Variants in UGT1A9 observed in about 807,000 individuals in gnomAD.
UGT1A9 encodes UDP-glucuronosyltransferase 1A9.
A neutral mutation model predicts 45.0 loss-of-function variants in UGT1A9; 35 were observed. That is an observed-to-expected ratio of 0.78 (90% CI 0.59 to 1.03). UGT1A9 has a LOEUF of 1.03. Ranked by LOEUF, UGT1A9 falls within the 50% of genes least tolerant of loss-of-function variation. The probability of loss-of-function intolerance (pLI) is 0.00; values close to 1 mark genes in which losing one functional copy is unlikely to be tolerated. For synonymous variants in UGT1A9, 278 were observed against 250.6 expected (o/e 1.11, Z -1.03); for missense variants, 687 against 666.6 (o/e 1.03, Z -0.34).
At chr2:233,721,019 A>AAT (rs1377693832) in intron 1 of UGT1A9, among the ~76,000 whole-genome samples, 6 of 152,098 alleles carry the variant, frequency 3.9e-5, no homozygotes, top group Non-Finnish European at 8.8e-5. Context: ...TGAGGGAGCC[A>AAT]TCTTTCTTGT....
chr2:233,695,621 C>A (rs1180355344), intron 1 of UGT1A9, among the ~76,000 whole-genome samples: 1 of 152,022 alleles, frequency 6.6e-6, no homozygotes, highest in African/African-American at 2.4e-5. Context: ...GAACTCTCTA[C>A]CTCCATGAGA....
At chr2:233,764,328 G>A (rs35377848) in intron 1 of UGT1A9, among the ~76,000 whole-genome samples, 4 of 152,284 alleles carry the variant, frequency 2.6e-5, no homozygotes, top group East Asian at 3.9e-4. Flanking sequence ...TTGCCAAGTA[G>A]GGGATGGACT....
At chr2:233,740,771 A>G (rs1027399973) in intron 1 of UGT1A9, 1 of 151,854 alleles carries the variant, frequency 6.6e-6, no homozygotes, top group African/African-American at 2.4e-5. Context: ...AAACCGTTGT[A>G]TAAAAGATGA....
intron 1 of UGT1A9, chr2:233,719,434 T>A: frequency 1.9e-6 from 3 of 1,613,970 alleles, no homozygotes; most frequent in Non-Finnish European, 2.5e-6. Flanking sequence ...TCAGACCACA[T>A]GACATTCCTG....
At chr2:233,736,528 A>T (rs895463431) in intron 1 of UGT1A9, among the ~76,000 whole-genome samples, 1 of 152,204 alleles carries the variant, frequency 6.6e-6, no homozygotes, top group African/African-American at 2.4e-5. Context: ...CGTCAAAGTC[A>T]TTCTCTTTCC....
chr2:233,713,635 T>C (rs1231856899), intron 1 of UGT1A9: 3 of 1,613,986 alleles, frequency 1.9e-6, no homozygotes, highest in Non-Finnish European at 2.5e-6. Flanking sequence ...AAGAACATGC[T>C]CTACCCTCTG....
At chr2:233,745,396 T>A (rs1020698339) in intron 1 of UGT1A9, among the ~76,000 whole-genome samples, 1 of 151,856 alleles carries the variant, frequency 6.6e-6, no homozygotes, top group Non-Finnish European at 1.5e-5. Flanking sequence ...TATTCTCTTT[T>A]TGACACTGGA....
intron 1 of UGT1A9, among the ~76,000 whole-genome samples, chr2:233,695,119 C>G (rs542202742): frequency 1.7e-4 from 20 of 115,748 alleles, no homozygotes; most frequent in Non-Finnish European, 3.0e-4. Context: ...ATTAACCAAC[C>G]CTTTTCTTTT....
chr2:233,768,083 C>A, intron 3 of UGT1A9, 137 bp from the exon 4 acceptor site: 1 of 1,591,312 alleles, frequency 6.3e-7, no homozygotes, highest in Non-Finnish European at 8.6e-7. Flanking sequence ...GGTATCTCAA[C>A]CCACATTTTC....
chr2:233,772,245 A>T lies in UGT1A9; in HGVS notation c.1296-17A>T, dbSNP rs1279252088. The T allele has an allele frequency of 1.2e-6, 2 of 1,614,050 alleles. No individual in the cohort carries two copies. The highest frequency in any genetic ancestry group is 1.7e-5 in the Admixed American group (1 of 60,002). On this transcript the variant is annotated splice_polypyrimidine_tract_variant and intron_variant, in intron 4 of 4. Coordinates refer to ENST00000354728, the MANE Select transcript of UGT1A9 (RefSeq NM_021027.3). ...CCACAGGTGTTCCAGGCATAACGAAACTGTCTTTGTGTTTAGTTACAAGGA... is the reference window on the plus strand; with the variant it reads ...CCACAGGTGTTCCAGGCATAACGAATCTGTCTTTGTGTTTAGTTACAAGGA...
At chr2:233,727,138 C>A (rs1201449660) in intron 1 of UGT1A9, among the ~76,000 whole-genome samples, 2 of 152,162 alleles carry the variant, frequency 1.3e-5, no homozygotes, top group Non-Finnish European at 2.9e-5. Context: ...GGGAACAAGA[C>A]CACACAGGTC....
At chr2:233,685,065 G>A (rs2074720331) in intron 1 of UGT1A9, among the ~76,000 whole-genome samples, 1 of 152,116 alleles carries the variant, frequency 6.6e-6, no homozygotes, top group Admixed American at 6.6e-5. Context: ...GCTCTGCACA[G>A]GAGATTTTTT....
chr2:233,768,219 G>T lies in UGT1A9; in HGVS notation c.1076-1G>T. 1 of 1,614,092 alleles carries T rather than the reference G, an allele frequency of 6.2e-7. No individual in the cohort carries two copies. The highest frequency in any genetic ancestry group is 8.5e-7 in the Non-Finnish European group (1 of 1,180,022). On this transcript the variant is annotated splice_acceptor_variant, in intron 3 of 4. Transcript: ENST00000354728. LOFTEE classifies it high-confidence loss of function. Reference sequence around the variant, plus strand: ...GACATCCTCCCTATTTTGCATCTCAGGTCACCCGATGACCCGTGCCTTTAT... The same window carrying T: ...GACATCCTCCCTATTTTGCATCTCATGTCACCCGATGACCCGTGCCTTTAT...
At chr2:233,714,460 GATTGT>G (rs1241465467) in intron 1 of UGT1A9, among the ~76,000 whole-genome samples, 2 of 152,154 alleles carry the variant, frequency 1.3e-5, no homozygotes, top group East Asian at 3.9e-4. Context: ...GGGAGTGTTG[GATTGT>G]AATAGGAGAA....
At chr2:233,713,846 G>A in intron 1 of UGT1A9, 6 of 1,614,046 alleles carry the variant, frequency 3.7e-6, no homozygotes, top group Non-Finnish European at 5.1e-6. Context: ...CCAACGGGAA[G>A]CCACTATCTC....
At chr2:233,691,265 C>T (rs896665075) in intron 1 of UGT1A9, 27 of 985,420 alleles carry the variant, frequency 2.7e-5, no homozygotes, top group African/African-American at 1.7e-4. Flanking sequence ...AAGATGCTGC[C>T]GCCCCCATGA....
chr2:233,755,095 C>T (rs1348652333), intron 1 of UGT1A9: 32 of 1,334,722 alleles, frequency 2.4e-5, no homozygotes, highest in Non-Finnish European at 3.1e-5. Context: ...CGTTTCTACG[C>T]GTCCGACAAC....
chr2:233,767,164 C>T lies in UGT1A9; in HGVS notation c.986C>T (p.Thr329Ile). 1.2e-6 allele frequency: 2 copies of T among 1,614,090 alleles called. No individual in the cohort carries two copies. The highest frequency in any genetic ancestry group is 1.7e-6 in the Non-Finnish European group (2 of 1,180,006). Reference sequence around the variant, plus strand: ...GATGCTTTGGGCAAAATCCCTCAGACAGTAAGAAGATTCTATACCATGGCC... The same window carrying T: ...GATGCTTTGGGCAAAATCCCTCAGATAGTAAGAAGATTCTATACCATGGCC... ...IADALGKIPQTVLWRYTGTRP... is the reference protein window; with the variant it reads ...IADALGKIPQIVLWRYTGTRP... Residue 329 changes from threonine to isoleucine, a missense_variant and splice_region_variant, in exon 2 of 5, where the codon ACA (threonine) becomes ATA (isoleucine). By Grantham distance (89) the Thr-to-Ile change is moderately conservative. Transcript: ENST00000354728.
chr2:233,745,242 T>C (rs1693050473), intron 1 of UGT1A9, among the ~76,000 whole-genome samples: 11 of 151,840 alleles, frequency 7.2e-5, no homozygotes, highest in Admixed American at 7.2e-4. Context: ...CTATTTACTG[T>C]ATCGAAACCA....
Sources: gnomAD v4.1 joint callset for allele counts (sites outside exome capture counted in the v4.1 genomes callset) on GRCh38, gnomAD v4.1.1 for gene constraint, MANE v1.5 for transcripts, NCBI Gene and HGNC (gene_info 2026-07-23, HGNC 2026-07-21) for gene names.